SPHKAP: variants seen among roughly 807,000 people sequenced by gnomAD.
The protein encoded by SPHKAP is SPHK1 interactor, AKAP domain containing.
In SPHKAP, 67 loss-of-function variants were observed where a neutral mutation model predicts 137.5. The observed-to-expected ratio is 0.49, with a 90% CI of 0.40 to 0.60. The LOEUF (loss-of-function observed/expected upper bound fraction) is 0.60. Among genes scored for constraint, SPHKAP ranks in the 20% least tolerant of loss-of-function variants. The probability of loss-of-function intolerance (pLI) is 0.00; values close to 1 mark genes in which losing one functional copy is unlikely to be tolerated. For synonymous variants in SPHKAP, 813 were observed against 785.3 expected (o/e 1.04, Z -0.59); for missense variants, 2,097 against 2,069.3 (o/e 1.01, Z -0.26).
intron 2 of SPHKAP, among the ~76,000 whole-genome samples, chr2:228,121,402 G>A (rs1360057383): frequency 6.6e-6 from 1 of 152,188 alleles, no homozygotes; most frequent in East Asian, 1.9e-4. Flanking sequence ...TATAGTCCAA[G>A]CTACTCAGGA....
At chr2:228,069,961 C>G (rs1270710812) in intron 3 of SPHKAP, among the ~76,000 whole-genome samples, 2 of 152,134 alleles carry the variant, frequency 1.3e-5, no homozygotes, top group African/African-American at 4.8e-5. Context: ...CAGCTGGGAT[C>G]AGGAACACGT....
Position 228,181,453 on chromosome 2 carries a change from T to C in SPHKAP, c.32+114A>G, listed in dbSNP as rs138090459. Reference sequence around the variant, plus strand: ...TACAAGTGCAGTGACCCCTGTCTCCTCGCTGGGAGCCCCGTGCAAACCGAA... The same window carrying C: ...TACAAGTGCAGTGACCCCTGTCTCCCCGCTGGGAGCCCCGTGCAAACCGAA... On this transcript the variant is annotated intron_variant, in intron 1 of 11. Transcript: ENST00000392056. This position sits in a 1 kb window ranked among gnomAD's most constrained non-coding sequence, Gnocchi z 4.3. The C allele has an allele frequency of 1.7e-3, 2,428 of 1,454,582 alleles. 54 individuals carry two copies. In the East Asian group the frequency reaches 0.038, roughly 23 times the overall value. 90.1% of individuals were successfully genotyped at this position (1,454,582 alleles called of 1,614,324 possible).
intron 7 of SPHKAP, 199 bp from the exon 8 acceptor site, chr2:227,995,893 T>A: frequency 1.0e-6 from 1 of 967,386 alleles, no homozygotes. Flanking sequence ...AGCTTTTCCA[T>A]CTCTTCTATT....
chr2:228,099,421 T>G (rs1559172963), intron 3 of SPHKAP, among the ~76,000 whole-genome samples: 1 of 152,236 alleles, frequency 6.6e-6, no homozygotes, highest in African/African-American at 2.4e-5. Flanking sequence ...TTTTGGCTAC[T>G]GTGGCCTTGT....
At position 228,025,586 on chromosome 2, in the gene SPHKAP, C is replaced by T. The variant is rs982814459; in HGVS notation, c.307-58G>A. 24 of 1,591,086 alleles carry T rather than the reference C, an allele frequency of 1.5e-5. No individual in the cohort carries two copies. The African/African-American group carries it at 2.6e-4, about 17-fold the overall frequency. On this transcript the variant is annotated intron_variant, in intron 4 of 11. Coordinates refer to ENST00000392056, the MANE Select transcript of SPHKAP (RefSeq NM_001142644.2). ...ATTTCTTTTCACCAAATACTACTCACAAACTACTTTACCTTCAGAAATAAT... is the reference window on the plus strand; with the variant it reads ...ATTTCTTTTCACCAAATACTACTCATAAACTACTTTACCTTCAGAAATAAT...
intron 2 of SPHKAP, among the ~76,000 whole-genome samples, chr2:228,122,158 T>C (rs536971613): frequency 2.4e-4 from 36 of 152,190 alleles, no homozygotes; most frequent in African/African-American, 8.4e-4. Flanking sequence ...ACACAATATA[T>C]AAAAGGCCTG....
intron 3 of SPHKAP, among the ~76,000 whole-genome samples, chr2:228,035,027 C>A (rs1348220137): frequency 6.7e-6 from 1 of 149,602 alleles, no homozygotes; most frequent in African/African-American, 2.5e-5. Context: ...GAAGTTCTGG[C>A]CAGGGCAATT....
chr2:228,108,603 A>AT (rs1441053087), intron 3 of SPHKAP, among the ~76,000 whole-genome samples: 5 of 152,288 alleles, frequency 3.3e-5, no homozygotes, highest in Non-Finnish European at 7.4e-5. Flanking sequence ...AAATATAAAC[A>AT]TTTTTTCTAT....
chr2:228,118,507 CCTATCCTTGTCAGTA>C (rs1387013711), intron 2 of SPHKAP, among the ~76,000 whole-genome samples: 13 of 151,920 alleles, frequency 8.6e-5, no homozygotes, highest in African/African-American at 3.1e-4. Flanking sequence ...CCAACTTGTC[CCTATCCTTGTCAGTA>C]CTCAGTATTG....
intron 1 of SPHKAP, among the ~76,000 whole-genome samples, chr2:228,166,861 T>C (rs1700437356): frequency 6.6e-6 from 1 of 152,158 alleles, no homozygotes; most frequent in South Asian, 2.1e-4. Flanking sequence ...AGCATAGAAC[T>C]GGCATGTGCT....
At chr2:228,134,587 CT>C (rs548210342) in intron 1 of SPHKAP, among the ~76,000 whole-genome samples, 93 of 152,310 alleles carry the variant, frequency 6.1e-4, no homozygotes, top group African/African-American at 2.1e-3. Flanking sequence ...GACAGTTTGG[CT>C]TTTACCAAAA....
intron 1 of SPHKAP, among the ~76,000 whole-genome samples, chr2:228,147,722 T>G (rs1233317583): frequency 6.6e-6 from 1 of 152,204 alleles, no homozygotes; most frequent in African/African-American, 2.4e-5. Context: ...ATAACTTCAG[T>G]CAATGGTAAT....
intron 1 of SPHKAP, among the ~76,000 whole-genome samples, chr2:228,145,193 T>C (rs997323614): frequency 6.6e-6 from 1 of 152,108 alleles, no homozygotes; most frequent in Non-Finnish European, 1.5e-5. Flanking sequence ...AACAACAACA[T>C]CATCACACCA....
intron 3 of SPHKAP, among the ~76,000 whole-genome samples, chr2:228,031,455 A>G (rs1161023538): frequency 6.6e-6 from 1 of 152,222 alleles, no homozygotes; most frequent in East Asian, 1.9e-4. Context: ...GCACAGACAA[A>G]CAAAAAGACA....
chr2:228,092,144 T>A (rs199509160), intron 3 of SPHKAP, among the ~76,000 whole-genome samples: 1 of 100,870 alleles, frequency 9.9e-6, no homozygotes, highest in Non-Finnish European at 2.1e-5. Flanking sequence ...TGTGTACACA[T>A]ATATACATAT....
At chr2:228,030,064 C>G (rs1695221501) in intron 3 of SPHKAP, among the ~76,000 whole-genome samples, 1 of 152,148 alleles carries the variant, frequency 6.6e-6, no homozygotes, top group Non-Finnish European at 1.5e-5. Flanking sequence ...AGGACACTCT[C>G]CACATTTGCT....
intron 3 of SPHKAP, among the ~76,000 whole-genome samples, chr2:228,081,845 A>G (rs1697374446): frequency 6.6e-6 from 1 of 152,186 alleles, no homozygotes; most frequent in Non-Finnish European, 1.5e-5. Context: ...TTAGTTACAA[A>G]GAAGGAATAA....
chr2:228,051,637 G>T (rs1696259239), intron 3 of SPHKAP, among the ~76,000 whole-genome samples: 1 of 152,176 alleles, frequency 6.6e-6, no homozygotes, highest in Non-Finnish European at 1.5e-5. Context: ...GAAGTACACT[G>T]CTGTCTACTG....
intron 7 of SPHKAP, among the ~76,000 whole-genome samples, chr2:228,014,984 T>G (rs1390625836): frequency 1.3e-5 from 2 of 152,072 alleles, no homozygotes; most frequent in East Asian, 3.9e-4. Context: ...GTTAGTTACA[T>G]ATGTATACAC....
Sources: allele counts gnomAD v4.1 joint callset (sites outside exome capture counted in the v4.1 genomes callset), GRCh38; gene constraint gnomAD v4.1.1; non-coding constraint Gnocchi (gnomAD v3.1); transcripts MANE v1.5; gene names NCBI Gene and HGNC (gene_info 2026-07-23, HGNC 2026-07-21).